EPHA8: variants seen among roughly 807,000 people sequenced by gnomAD.
EPHA8 encodes the protein EPH receptor A8.
A neutral mutation model predicts 103.6 loss-of-function variants in EPHA8; 58 were observed. The observed-to-expected ratio is 0.56, with a 90% CI of 0.45 to 0.70. The LOEUF (loss-of-function observed/expected upper bound fraction) is 0.70, where lower values mean the gene tolerates loss of function less well. Among genes scored for constraint, EPHA8 ranks in the 30% least tolerant of loss-of-function variants. The pLI is 0.00. For missense variants in EPHA8, 1,304 were observed against 1,395.2 expected, an observed-to-expected ratio of 0.93 and a Z score of 1.04; for synonymous variants, 559 against 572.5, an observed-to-expected ratio of 0.98 and a Z score of 0.34.
At position 22,603,320 on chromosome 1, in the gene EPHA8, G is replaced by A. The variant is rs1054171264; in HGVS notation, c.*1579G>A. 3 of 152,432 alleles carry A rather than the reference G, an allele frequency of 2.0e-5. No individual in the cohort carries two copies. 9.4% of individuals were successfully genotyped at this position (152,432 alleles called of 1,614,324 possible). On this transcript the variant is annotated 3_prime_UTR_variant, in exon 17 of 17. Coordinates refer to ENST00000166244, the MANE Select transcript of EPHA8 (RefSeq NM_020526.5). ...CTATATATTATATTACTATATAGCC[G>A]AGCTGTTCTTCCTTCCTATGGAAGT...
intron 5 of EPHA8, among the ~76,000 whole-genome samples, chr1:22,592,471 C>T (rs769113980): frequency 6.6e-6 from 1 of 152,224 alleles, no homozygotes; most frequent in African/African-American, 2.4e-5. Context: ...GACTGGTGGG[C>T]TTTCCCCTGG....
In EPHA8 at chr1:22,593,598, C is replaced by T; in HGVS notation, c.1515C>T (p.Gly505=). The change falls in exon 7 of 17, where the codon GGC becomes GGT. Residue 505 remains glycine (G), a synonymous_variant. Coordinates refer to ENST00000166244, the MANE Select transcript of EPHA8 (RefSeq NM_020526.5). ...CCACCGTCTCCGGCCTCAAGCCGGG[C>T]ACCCGCTACGTGTTCCAGGTCCGAG... ...TRATVSGLKP[G]TRYVFQVRAR... 1 of 1,611,672 alleles carries T rather than the reference C, an allele frequency of 6.2e-7. No homozygotes were observed. The highest frequency in any genetic ancestry group is 8.5e-7 in the Non-Finnish European group (1 of 1,179,436).
At position 22,595,333 on chromosome 1, in the gene EPHA8, C is replaced by G; in HGVS notation, c.1697+10C>G. ...TCATCTGCAAGAAGAGGTGGGTGGTCTGGCCCAGCCACACCCAGCCCCTCC... is the reference window on the plus strand; with the variant it reads ...TCATCTGCAAGAAGAGGTGGGTGGTGTGGCCCAGCCACACCCAGCCCCTCC... On this transcript the variant is annotated intron_variant, in intron 8 of 16. Coordinates refer to ENST00000166244, the MANE Select transcript of EPHA8 (RefSeq NM_020526.5). The G allele has an allele frequency of 6.2e-7, 1 of 1,605,420 alleles. No individual in the cohort carries two copies. The highest frequency in any genetic ancestry group is 1.1e-5 in the South Asian group (1 of 89,948).
At chr1:22,564,213 T>C (rs1484286123) in intron 1 of EPHA8, among the ~76,000 whole-genome samples, 1 of 148,848 alleles carries the variant, frequency 6.7e-6, no homozygotes, top group African/African-American at 2.5e-5. Flanking sequence ...GGGGACAGCA[T>C]TGAGAGATAG....
chr1:22,573,717 A>C (rs994793267), intron 2 of EPHA8, among the ~76,000 whole-genome samples: 1 of 152,208 alleles, frequency 6.6e-6, no homozygotes, highest in African/African-American at 2.4e-5. Flanking sequence ...AAGTCAGCTC[A>C]ACAAGGGACT....
rs747383112 is a variant in EPHA8 at position 22,597,724 on chromosome 1, G to C, written c.1979G>C (p.Arg660Pro). 1 of 1,612,904 alleles carries C rather than the reference G, an allele frequency of 6.2e-7. No individual in the cohort carries two copies. The highest frequency in any genetic ancestry group is 8.5e-7 in the Non-Finnish European group (1 of 1,179,876). Residue 660 changes from arginine (R) to proline (P), a missense_variant, in exon 11 of 17, where the codon CGG becomes CCG. By Grantham distance (103) the Arg-to-Pro change is moderately radical. Transcript: ENST00000166244. The surrounding 1 kb of genome is among the most constrained non-coding windows in gnomAD (Gnocchi z 4.6). ...CYGRLRVPGQ[R>P]DVPVAIKALK... ...GGGAGGCTGCGGGTGCCAGGGCAGC[G>C]GGATGTGCCCGTGGCCATCAAGGCC...
At chr1:22,579,095 GCATGTGTATGTGTGCATGTGTA>G (rs1444165080) in intron 3 of EPHA8, among the ~76,000 whole-genome samples, 5 of 130,350 alleles carry the variant, frequency 3.8e-5, no homozygotes, top group African/African-American at 1.6e-4. Flanking sequence ...GTGCATGTGT[GCATGTGTATGTGTGCATGTGTA>G]CGTGTATGTG....
At position 22,597,322 on chromosome 1, in the gene EPHA8, T is replaced by C; in HGVS notation, c.1776T>C (p.Pro592=). The C allele has an allele frequency of 8.0e-6, 11 of 1,375,682 alleles. No homozygotes were observed. The highest frequency in any genetic ancestry group is 2.3e-5 in the South Asian group (2 of 85,424). The allele number at this position is 1,375,682 out of a possible 1,614,324, so 85.2% of individuals were successfully genotyped here. Residue 592 remains proline (P), a synonymous_variant, in exon 10 of 17, where the codon CCT becomes CCC. Coordinates refer to ENST00000166244, the MANE Select transcript of EPHA8 (RefSeq NM_020526.5). The surrounding 1 kb of genome is among the most constrained non-coding windows in gnomAD (Gnocchi z 4.6). ...CCTCCCGCCCCTCAGCACCCCCACC[T>C]GTCTTCCTGCCTCTGCATCACCCCC... ...MHYQNGQAPP[P]VFLPLHHPPG...
chr1:22,591,980 T>C (rs1301957619), intron 5 of EPHA8, among the ~76,000 whole-genome samples: 7 of 152,328 alleles, frequency 4.6e-5, no homozygotes, highest in Admixed American at 2.0e-4. Flanking sequence ...TCTCCTTTCC[T>C]GGGACAGAAG....
At chr1:22,600,848 G>A in intron 14 of EPHA8, 38 bp downstream of exon 14, 1 of 1,588,736 alleles carries the variant, frequency 6.3e-7, no homozygotes, top group South Asian at 1.2e-5. Context: ...GGGCGGTGGA[G>A]CCTCAGGGTG....
At chr1:22,568,095 C>T (rs916812552) in intron 1 of EPHA8, among the ~76,000 whole-genome samples, 3 of 152,108 alleles carry the variant, frequency 2.0e-5, no homozygotes, top group Admixed American at 6.5e-5. Flanking sequence ...AGGCAGGGGG[C>T]GGGGGACTTA....
In EPHA8 at chr1:22,601,836, C is replaced by T. The variant is rs1641747003; in HGVS notation, c.*95C>T. 1.7e-6 allele frequency: 2 copies of T among 1,181,396 alleles called. No individual in the cohort carries two copies. The highest frequency in any genetic ancestry group is 1.3e-5 in the South Asian group (1 of 75,068). The allele number at this position is 1,181,396 out of a possible 1,614,324, so 73.2% of individuals were successfully genotyped here. A position where few individuals can be genotyped will look rare whatever the true frequency, so the allele number is the denominator to read the frequency against. On this transcript the variant is annotated 3_prime_UTR_variant, in exon 17 of 17. Coordinates refer to ENST00000166244, the MANE Select transcript of EPHA8 (RefSeq NM_020526.5). ...GGGCTGGCAGCAGGCAGGGCGGCCC[C>T]AGGCCTCTGCCCTCCTCTCAGGTGC...
intron 2 of EPHA8, among the ~76,000 whole-genome samples, chr1:22,573,543 A>C (rs1041494748): frequency 1.1e-4 from 17 of 151,964 alleles, no homozygotes; most frequent in African/African-American, 4.1e-4. Context: ...GCATCTGGTC[A>C]TGAAGCCCCC....
intron 3 of EPHA8, 21 bp from the exon 4 acceptor site, chr1:22,586,459 C>T (rs771968021): frequency 1.2e-6 from 2 of 1,610,460 alleles, no homozygotes; most frequent in Admixed American, 1.7e-5. Flanking sequence ...GGCTCATGTG[C>T]AGCCGCCTTC....
At chr1:22,592,448 C>A (rs72651342) in intron 5 of EPHA8, among the ~76,000 whole-genome samples, 4,555 of 152,296 alleles carry the variant, frequency 0.03, 80 homozygotes, top group South Asian at 0.051. Context: ...CCCGAACCCA[C>A]GCCTGGCTCC....
At chr1:22,577,956 C>T (rs2124524247) in intron 3 of EPHA8, among the ~76,000 whole-genome samples, 1 of 93,728 alleles carries the variant, frequency 1.1e-5, no homozygotes, top group Non-Finnish European at 2.2e-5. Flanking sequence ...CGAGTGTATG[C>T]ATGTGTGTGC....
chr1:22,578,622 C>T (rs1304327920), intron 3 of EPHA8, among the ~76,000 whole-genome samples: 4 of 125,184 alleles, frequency 3.2e-5, no homozygotes, highest in Admixed American at 1.6e-4. Flanking sequence ...TGTATGTCTG[C>T]GTGTGTGCAT....
In EPHA8 at chr1:22,565,889, C is replaced by T. The variant is rs182666064; in HGVS notation, c.94+2160C>T. Among the ~76,000 whole-genome samples, 163 of 152,312 alleles carry T rather than the reference C, an allele frequency of 1.1e-3. 3 individuals carry two copies. In the East Asian group the frequency reaches 0.026, roughly 24 times the overall value. On this transcript the variant is annotated intron_variant, in intron 1 of 16. Coordinates refer to ENST00000166244, the MANE Select transcript of EPHA8 (RefSeq NM_020526.5). ...CACAGCCAGGCACAGGTTACCCACA[C>T]GAGTCAGACAGCCATGGGGTGGAGA...
intron 1 of EPHA8, among the ~76,000 whole-genome samples, chr1:22,566,480 C>G (rs1300112268): frequency 6.6e-6 from 1 of 152,180 alleles, no homozygotes; most frequent in Non-Finnish European, 1.5e-5. Flanking sequence ...AGGAGAGGGA[C>G]CCGTTTGATC....
Sources: allele counts gnomAD v4.1 joint callset (sites outside exome capture counted in the v4.1 genomes callset), GRCh38; gene constraint gnomAD v4.1.1; non-coding constraint Gnocchi (gnomAD v3.1); transcripts MANE v1.5; gene names NCBI Gene and HGNC (gene_info 2026-07-23, HGNC 2026-07-21).